Variants in KLHL5 observed in about 807,000 individuals in gnomAD.
The protein encoded by KLHL5 is kelch-like protein 5.
A neutral mutation model predicts 77.7 loss-of-function variants in KLHL5; 48 were observed. The ratio of observed to expected loss-of-function variants is 0.62; its 90% confidence interval spans 0.49 to 0.79. KLHL5 has a LOEUF of 0.79. KLHL5 is among the 30% of genes least tolerant of loss of function. KLHL5 has a pLI of 0.00. For missense variants in KLHL5, 723 were observed against 859.7 expected (o/e 0.84, Z 1.99); for synonymous variants, 260 against 297.0 (o/e 0.88, Z 1.28).
At chr4:39,046,688 G>C (rs920878153) in intron 1 of KLHL5, among the ~76,000 whole-genome samples, 70 of 152,318 alleles carry the variant, frequency 4.6e-4, no homozygotes, top group African/African-American at 1.6e-3. Context: ...TGAGGCCTGA[G>C]AGGCGTATTT....
intron 1 of KLHL5, among the ~76,000 whole-genome samples, chr4:39,069,569 A>ATATATAT (rs1718281060): frequency 7.1e-6 from 1 of 139,916 alleles, no homozygotes; most frequent in African/African-American, 2.8e-5. Context: ...TATATATATA[A>ATATATAT]ACCATAGAGC....
the KLHL5 span, among the ~76,000 whole-genome samples, chr4:39,135,928 A>G: frequency 2.0e-5 from 3 of 151,750 alleles, no homozygotes; most frequent in African/African-American, 7.3e-5. Context: ...ACTGGCGTAT[A>G]TGTTTATCAG....
chr4:39,130,455 T>G (rs1340266634), downstream of KLHL5, among the ~76,000 whole-genome samples: 1 of 152,228 alleles, frequency 6.6e-6, no homozygotes, highest in Non-Finnish European at 1.5e-5. Context: ...GTGGGCGTTA[T>G]GGCCATCATG....
chr4:39,064,555 CTT>C (rs1453716507), intron 1 of KLHL5, among the ~76,000 whole-genome samples: 1 of 151,998 alleles, frequency 6.6e-6, no homozygotes, highest in Non-Finnish European at 1.5e-5. Flanking sequence ...ATATAAAACT[CTT>C]AACATGTTAT....
chr4:39,070,305 A>T (rs1718355864), intron 1 of KLHL5, among the ~76,000 whole-genome samples: 1 of 152,228 alleles, frequency 6.6e-6, no homozygotes, highest in South Asian at 2.1e-4. Context: ...AATGCTGGAT[A>T]GGAAAAAACA....
the KLHL5 span, among the ~76,000 whole-genome samples, chr4:39,136,170 ATTTT>A: frequency 6.7e-6 from 1 of 149,900 alleles, no homozygotes; most frequent in Non-Finnish European, 1.5e-5. Context: ...AATAATAATA[ATTTT>A]TTTTTTAACT....
At chr4:39,139,887 G>T in the KLHL5 span, among the ~76,000 whole-genome samples, 1 of 152,120 alleles carries the variant, frequency 6.6e-6, no homozygotes, top group African/African-American at 2.4e-5. Flanking sequence ...TGTGCTAAGG[G>T]ATGAGATCTG....
chr4:39,103,195 T>G (rs890522680), intron 6 of KLHL5, 92 bp from the exon 7 acceptor site: 6 of 925,912 alleles, frequency 6.5e-6, no homozygotes, highest in Middle Eastern at 3.3e-4. Context: ...TTCTCAATGC[T>G]AATAAGATTA....
intron 2 of KLHL5, among the ~76,000 whole-genome samples, chr4:39,076,541 A>T (rs1719060371): frequency 6.6e-6 from 1 of 152,166 alleles, no homozygotes; most frequent in Non-Finnish European, 1.5e-5. Context: ...AGTTTTTAAA[A>T]TAGCCATATC....
chr4:39,054,656 A>G (rs1317183492), intron 1 of KLHL5, among the ~76,000 whole-genome samples: 1 of 152,220 alleles, frequency 6.6e-6, no homozygotes, highest in Non-Finnish European at 1.5e-5. Flanking sequence ...CTGTTGACTC[A>G]GGCTCTTTCT....
intron 5 of KLHL5, chr4:39,092,989 A>G: frequency 2.4e-6 from 1 of 412,426 alleles, no homozygotes; most frequent in South Asian, 1.7e-5. Context: ...ATGCCCCAGC[A>G]GTTCTACTCC....
chr4:39,104,186 A>G (rs1282658402), intron 7 of KLHL5, among the ~76,000 whole-genome samples: 1 of 152,142 alleles, frequency 6.6e-6, no homozygotes, highest in African/African-American at 2.4e-5. Flanking sequence ...GATTTCCACT[A>G]GTTGTAATTA....
chr4:39,069,430 TTATATATATATATA>T (rs60740721), intron 1 of KLHL5, among the ~76,000 whole-genome samples: 49 of 30,496 alleles, frequency 1.6e-3, no homozygotes, highest in African/African-American at 5.0e-3. Context: ...TATTAACATT[TTATATATATATATA>T]TATATATATA....
chr4:39,082,553 C>G (rs12503506), intron 4 of KLHL5, among the ~76,000 whole-genome samples: 71,516 of 151,950 alleles, frequency 0.47, 17,859 homozygotes, highest in Admixed American at 0.56. Context: ...TGGTAGAGGA[C>G]AAATGGGAGG....
intron 4 of KLHL5, among the ~76,000 whole-genome samples, chr4:39,082,729 T>C (rs765093444): frequency 2.9e-4 from 44 of 152,182 alleles, no homozygotes; most frequent in Non-Finnish European, 5.6e-4. Flanking sequence ...CAAACCCCCA[T>C]GATACAAGTG....
intron 1 of KLHL5, 73 bp from the exon 2 acceptor site, chr4:39,075,892 A>G (rs1718981544): frequency 1.5e-6 from 2 of 1,294,430 alleles, no homozygotes; most frequent in Non-Finnish European, 2.2e-6. Flanking sequence ...GAAGGCTTTC[A>G]AAAGACTTAA....
intron 10 of KLHL5, among the ~76,000 whole-genome samples, chr4:39,119,327 CT>C (rs1723057077): frequency 6.6e-6 from 1 of 152,174 alleles, no homozygotes; most frequent in Non-Finnish European, 1.5e-5. Flanking sequence ...TGGCTCACCC[CT>C]GTAATCCCGG....
Position 39,115,322 on chromosome 4 carries a change from T to C in KLHL5, c.2065T>C (p.Trp689Arg), listed in dbSNP as rs1243790092. Reference protein sequence around the residue: ...VEAYDPQTNEWTQVAPLCLGR... With the variant: ...VEAYDPQTNERTQVAPLCLGR... ...GGCTTATGATCCCCAGACAAATGAG[T>C]GGACCCAGGTATGGCATTCATGTTT... Residue 689 changes from tryptophan to arginine, a missense_variant, in exon 10 of 11, where the codon TGG becomes CGG. By Grantham distance (101) the Trp-to-Arg change is moderately radical. Coordinates refer to ENST00000504108, the MANE Select transcript of KLHL5 (RefSeq NM_015990.5). The C allele has an allele frequency of 6.2e-7, 1 of 1,613,938 alleles. No individual in the cohort carries two copies. The highest frequency in any genetic ancestry group is 1.7e-5 in the Admixed American group (1 of 60,016).
chr4:39,110,873 C>T (rs1338033888), intron 8 of KLHL5, among the ~76,000 whole-genome samples: 2 of 152,100 alleles, frequency 1.3e-5, no homozygotes, highest in Non-Finnish European at 2.9e-5. Flanking sequence ...TAATATTTCT[C>T]TTTTTATTGT....
Sources: gnomAD v4.1 joint callset for allele counts (sites outside exome capture counted in the v4.1 genomes callset) on GRCh38, gnomAD v4.1.1 for gene constraint, MANE v1.5 for transcripts, NCBI Gene and HGNC (gene_info 2026-07-23, HGNC 2026-07-21) for gene names.